FGF7: variants seen among roughly 807,000 people sequenced by gnomAD.
The protein encoded by FGF7 is FGF-7.
FGF7 carries 6 observed loss-of-function variants against 20.5 expected under a neutral mutation model. The observed-to-expected ratio is 0.29, with a 90% confidence interval of 0.16 to 0.58. FGF7 has a LOEUF of 0.58. Ranked by LOEUF, FGF7 falls within the 20% of genes least tolerant of loss-of-function variation. The pLI is 0.90. For synonymous variants in FGF7, 64 were observed against 74.7 expected (o/e 0.86, Z 0.74); for missense variants, 144 against 228.8 (o/e 0.63, Z 2.39).
chr15:49,442,347 G>T (rs941951933), intron 2 of FGF7, among the ~76,000 whole-genome samples: 1 of 151,528 alleles, frequency 6.6e-6, no homozygotes, highest in Non-Finnish European at 1.5e-5. Flanking sequence ...AACTCTCCAC[G>T]AAGCTCCCCT....
At chr15:49,430,508 G>A (rs969932947) in intron 2 of FGF7, among the ~76,000 whole-genome samples, 1 of 151,814 alleles carries the variant, frequency 6.6e-6, no homozygotes, top group African/African-American at 2.4e-5. Flanking sequence ...GGCTTAGTCT[G>A]CTTTGTGTTG....
At chr15:49,479,287 T>C (rs12591533) in intron 2 of FGF7, among the ~76,000 whole-genome samples, 8,314 of 152,246 alleles carry the variant, frequency 0.055, 328 homozygotes, top group East Asian at 0.13. Flanking sequence ...ACCATTATGC[T>C]ATCATGGACA....
At chr15:49,426,428 TG>T (rs1201930455) in intron 2 of FGF7, among the ~76,000 whole-genome samples, 1 of 151,974 alleles carries the variant, frequency 6.6e-6, no homozygotes, top group African/African-American at 2.4e-5. Flanking sequence ...CTACTCCTTT[TG>T]AATCCTTTTA....
chr15:49,445,631 G>A (rs1175627434), intron 2 of FGF7, among the ~76,000 whole-genome samples: 1 of 151,242 alleles, frequency 6.6e-6, no homozygotes, highest in African/African-American at 2.4e-5. Flanking sequence ...ACATCACTGT[G>A]TACACCATAA....
Position 49,476,232 on chromosome 15 carries a change from G to GTTTTTTTT in FGF7, c.287-6913_287-6906dup. ...TTGCTGTTTTGTTTTTTTGTTTTTG[G>GTTTTTTTT]TTTTTTTTTTTTTGCATTTGGCATA... On this transcript the variant is annotated intron_variant, in intron 2 of 3. Transcript: ENST00000267843. Among the ~76,000 whole-genome samples the GTTTTTTTT allele has an allele frequency of 6.3e-3, 360 of 56,998 alleles. 32 individuals are homozygous for GTTTTTTTT. The highest frequency in any genetic ancestry group is 8.7e-3 in the Non-Finnish European group (237 of 27,186). The allele number at this position is 56,998 out of a possible 152,430, so 37.4% of individuals were successfully genotyped here.
At chr15:49,450,714 A>G (rs78365965) in intron 2 of FGF7, among the ~76,000 whole-genome samples, 3,663 of 152,220 alleles carry the variant, frequency 0.024, 115 homozygotes, top group South Asian at 0.15. Context: ...TTTCAATTAC[A>G]TTCTTGATCT....
intron 2 of FGF7, among the ~76,000 whole-genome samples, chr15:49,445,572 G>A (rs905603456): frequency 2.0e-5 from 3 of 151,074 alleles, no homozygotes; most frequent in African/African-American, 7.3e-5. Flanking sequence ...TCTAGATCAC[G>A]GACATACTAA....
rs541966952 is a variant in FGF7, at chr15:49,449,188, T to C, written c.286+24605T>C. 9.0e-4 allele frequency among the ~76,000 whole-genome samples: 137 copies of C among 152,072 alleles called. 5 individuals carry two copies. The South Asian group carries it at 0.027, about 30-fold the overall frequency. On this transcript the variant is annotated intron_variant, in intron 2 of 3. Transcript: ENST00000267843. ...CAGACTGCATTACTAAGTCTAAGTTTTTCTTGTTACCTAATTTCCACCTGC... is the reference window on the plus strand; with the variant it reads ...CAGACTGCATTACTAAGTCTAAGTTCTTCTTGTTACCTAATTTCCACCTGC...
At chr15:49,469,392 A>T (rs919976047) in intron 2 of FGF7, among the ~76,000 whole-genome samples, 2 of 152,158 alleles carry the variant, frequency 1.3e-5, no homozygotes, top group African/African-American at 4.8e-5. Context: ...GAGCATTACA[A>T]TTATATTTAA....
intron 2 of FGF7, chr15:49,434,403 G>A (rs988897277): frequency 6.6e-6 from 1 of 151,386 alleles, no homozygotes; most frequent in African/African-American, 2.4e-5. Flanking sequence ...GGGAGTCAAG[G>A]GAGAACTCCA....
intron 2 of FGF7, among the ~76,000 whole-genome samples, chr15:49,458,434 G>A (rs912350321): frequency 6.6e-6 from 1 of 151,922 alleles, no homozygotes; most frequent in African/African-American, 2.4e-5. Flanking sequence ...CTCATTTAAA[G>A]GTTTTGGTTT....
At chr15:49,453,070 T>G (rs2052918191) in intron 2 of FGF7, among the ~76,000 whole-genome samples, 1 of 152,098 alleles carries the variant, frequency 6.6e-6, no homozygotes, top group Non-Finnish European at 1.5e-5. Context: ...AAATGTAATT[T>G]TTATAAATAA....
chr15:49,454,921 T>C (rs1422182439), intron 2 of FGF7, among the ~76,000 whole-genome samples: 1 of 152,140 alleles, frequency 6.6e-6, no homozygotes, highest in Non-Finnish European at 1.5e-5. Context: ...AATATATTCT[T>C]AAAGCACTCT....
intron 2 of FGF7, among the ~76,000 whole-genome samples, chr15:49,440,051 T>C (rs1014333073): frequency 3.3e-5 from 5 of 151,748 alleles, no homozygotes; most frequent in African/African-American, 1.2e-4. Context: ...TCTAGTCTAT[T>C]ATGCTTATTT....
At chr15:49,481,684 T>C (rs2055960607) in intron 2 of FGF7, among the ~76,000 whole-genome samples, 1 of 152,216 alleles carries the variant, frequency 6.6e-6, no homozygotes, top group Non-Finnish European at 1.5e-5. Context: ...GGGCTGTTTT[T>C]CTTAATTTGT....
chr15:49,437,242 CTAAAGA>C (rs1245814495), intron 2 of FGF7, among the ~76,000 whole-genome samples: 1 of 151,274 alleles, frequency 6.6e-6, no homozygotes. Flanking sequence ...TTAGGAATGC[CTAAAGA>C]TAATTTCCTT....
chr15:49,459,010 T>C (rs2053561895), intron 2 of FGF7, among the ~76,000 whole-genome samples: 1 of 152,200 alleles, frequency 6.6e-6, no homozygotes, highest in Non-Finnish European at 1.5e-5. Flanking sequence ...TTCATTTCTA[T>C]TAAAAAACAC....
intron 2 of FGF7, among the ~76,000 whole-genome samples, chr15:49,478,388 T>C (rs2151998017): frequency 1.3e-5 from 2 of 152,208 alleles, no homozygotes; most frequent in East Asian, 3.9e-4. Context: ...GTTGGATATA[T>C]TGATATATTT....
At chr15:49,458,825 G>C (rs970022200) in intron 2 of FGF7, among the ~76,000 whole-genome samples, 3 of 152,078 alleles carry the variant, frequency 2.0e-5, no homozygotes, top group Admixed American at 6.6e-5. Flanking sequence ...TCTTGCAGAT[G>C]AATTCAAAGT....
Sources: allele counts gnomAD v4.1 joint callset (sites outside exome capture counted in the v4.1 genomes callset), GRCh38; gene constraint gnomAD v4.1.1; transcripts MANE v1.5; gene names NCBI Gene and HGNC (gene_info 2026-07-23, HGNC 2026-07-21).